GTF2F2: variants seen among roughly 807,000 people sequenced by gnomAD.
The protein encoded by GTF2F2 is ATP-dependent helicase GTF2F2.
Under a neutral mutation model 42.2 loss-of-function variants are expected in GTF2F2, and 23 were observed. That is an observed-to-expected ratio of 0.55 (90% CI 0.39 to 0.77). GTF2F2 has a LOEUF of 0.77. Among genes scored for constraint, GTF2F2 ranks in the 30% least tolerant of loss-of-function variants. GTF2F2 has a pLI of 0.00. For missense variants in GTF2F2, 261 were observed against 287.2 expected (o/e 0.91, Z 0.66); for synonymous variants, 105 against 100.8 (o/e 1.04, Z -0.25).
chr13:45,140,114 A>AT (rs1002989702), intron 2 of GTF2F2, among the ~76,000 whole-genome samples: 464 of 140,784 alleles, frequency 3.3e-3, no homozygotes, highest in Non-Finnish European at 4.3e-3. Flanking sequence ...TGCCCAGCTA[A>AT]TTTTTTTTTT....
At chr13:45,131,995 A>G (rs1408809563) in intron 1 of GTF2F2, among the ~76,000 whole-genome samples, 2 of 151,900 alleles carry the variant, frequency 1.3e-5, no homozygotes, top group Non-Finnish European at 2.9e-5. Flanking sequence ...TCCAAGGTGC[A>G]TGCTCTTGAG....
At chr13:45,206,760 T>G (rs1231206001) in intron 4 of GTF2F2, 1 of 152,150 alleles carries the variant, frequency 6.6e-6, no homozygotes, top group Non-Finnish European at 1.5e-5. Context: ...TATGTCAGAG[T>G]CACTATAAGA....
intron 2 of GTF2F2, 60 bp from the exon 3 acceptor site, chr13:45,149,710 C>T: frequency 7.0e-7 from 1 of 1,424,170 alleles, no homozygotes. Flanking sequence ...GCTCTTAACT[C>T]ACATTTGAAA....
chr13:45,126,289 T>C (rs1197341473), intron 1 of GTF2F2, among the ~76,000 whole-genome samples: 1 of 149,058 alleles, frequency 6.7e-6, no homozygotes, highest in African/African-American at 2.5e-5. Context: ...TTTCGTTCTG[T>C]TGCCCAGTCT....
intron 6 of GTF2F2, among the ~76,000 whole-genome samples, chr13:45,260,478 C>T (rs1341080113): frequency 2.6e-5 from 4 of 152,172 alleles, no homozygotes; most frequent in Admixed American, 2.6e-4. Context: ...AAGGATTTAA[C>T]ATGCAGAACC....
intron 1 of GTF2F2, among the ~76,000 whole-genome samples, chr13:45,124,654 T>C (rs955399994): frequency 2.6e-5 from 4 of 152,130 alleles, no homozygotes; most frequent in Admixed American, 2.6e-4. Flanking sequence ...AACCTTTGCC[T>C]CCTGGGTTCA....
intron 5 of GTF2F2, among the ~76,000 whole-genome samples, chr13:45,228,472 G>A (rs9534068): frequency 0.51 from 74,932 of 148,124 alleles, 22,114 homozygotes; most frequent in African/African-American, 0.84. Context: ...AGTACCTGAC[G>A]CTGGGCCAGA....
At chr13:45,149,698 A>G in intron 2 of GTF2F2, 72 bp from the exon 3 acceptor site, 1 of 1,333,726 alleles carries the variant, frequency 7.5e-7, no homozygotes, top group Non-Finnish European at 1.0e-6. Context: ...GTTTTTTTTT[A>G]AGCTCTTAAC....
rs1158783854 is a variant in GTF2F2 at position 45,186,274 on chromosome 13, C to CT, written c.305-21149dup. Among the ~76,000 whole-genome samples, 919 of 128,890 alleles carry CT rather than the reference C, an allele frequency of 7.1e-3. 10 individuals carry two copies. The highest frequency in any genetic ancestry group is 0.033 in the African/African-American group (880 of 26,852). The allele number at this position is 128,890 out of a possible 152,430, so 84.6% of individuals were successfully genotyped here. On this transcript the variant is annotated intron_variant, in intron 4 of 7. Transcript: ENST00000340473. ...ACAGGCGTGAGCCCCGGCACCTGGC[C>CT]TATTTTTTTTTTTTTTTAATTTTAA...
rs5803286 is a variant in GTF2F2 at position 45,165,806 on chromosome 13, CTT to C, written c.304+13998_304+13999del. On this transcript the variant is annotated intron_variant, in intron 4 of 7. Transcript: ENST00000340473. ...CCATCCTTAAATTCTTCAGTACATT[CTT>C]TTTTTTTTTTTTTTTTTTTTTTGAG... 9.3e-3 allele frequency among the ~76,000 whole-genome samples: 823 copies of C among 88,882 alleles called. 4 individuals are homozygous for C. The highest frequency in any genetic ancestry group is 0.035 in the African/African-American group (702 of 20,068). 58.3% of individuals were successfully genotyped at this position (88,882 alleles called of 152,430 possible). A position where few individuals can be genotyped will look rare whatever the true frequency, so the allele number is the denominator to read the frequency against.
At chr13:45,275,671 A>G (rs1182756736) in intron 7 of GTF2F2, among the ~76,000 whole-genome samples, 1 of 151,956 alleles carries the variant, frequency 6.6e-6, no homozygotes, top group African/African-American at 2.4e-5. Context: ...CATGGTGTAT[A>G]TGTGCCACAT....
intron 5 of GTF2F2, among the ~76,000 whole-genome samples, chr13:45,223,152 G>T (rs1430720774): frequency 6.6e-6 from 1 of 151,398 alleles, no homozygotes; most frequent in South Asian, 2.1e-4. Flanking sequence ...AGCTACTCCT[G>T]AGGCTGAGGT....
Position 45,230,045 on chromosome 13 carries a change from A to G in GTF2F2, c.386+22540A>G, listed in dbSNP as rs367800927. Among the ~76,000 whole-genome samples, 445 of 152,026 alleles carry G rather than the reference A, an allele frequency of 2.9e-3. 1 individual carries two copies. The highest frequency in any genetic ancestry group is 0.01 in the African/African-American group (416 of 41,488). The stretch of plus-strand genomic sequence containing the variant: ...AGCCTGGCCAACATGGTGAAACCTT[A>G]TCTCTACTAAAAATAGAAAAATTAG... On this transcript the variant is annotated intron_variant, in intron 5 of 7. Transcript: ENST00000340473.
rs1869652043 is a variant in GTF2F2, at chr13:45,136,828, G to T, written c.140+22G>T. 2.2e-6 allele frequency: 3 copies of T among 1,361,236 alleles called. No individual in the cohort carries two copies. In the Admixed American group the frequency reaches 5.5e-5, roughly 25 times the overall value. 84.3% of individuals were successfully genotyped at this position (1,361,236 alleles called of 1,614,324 possible). A position where few individuals can be genotyped will look rare whatever the true frequency, so the allele number is the denominator to read the frequency against. Reference sequence around the variant, plus strand: ...CCAAGTAAGTTATTTACATATTCTTGACATTTTAAAAAGCTATTTTTGAAA... The same window carrying T: ...CCAAGTAAGTTATTTACATATTCTTTACATTTTAAAAAGCTATTTTTGAAA... On this transcript the variant is annotated intron_variant, in intron 2 of 7. Coordinates refer to ENST00000340473, the MANE Select transcript of GTF2F2 (RefSeq NM_004128.3).
rs560713247 is a variant in GTF2F2, at chr13:45,280,291, G to A, written c.631-3151G>A. Among the ~76,000 whole-genome samples the A allele has an allele frequency of 3.9e-5, 6 of 152,296 alleles. No individual in the cohort carries two copies. In the South Asian group the frequency reaches 1.2e-3, roughly 32 times the overall value. Reference sequence around the variant, plus strand: ...GGAATTTAATGTGTAGCCCAAACGGGGAAGTCATTAGAATATTTTAGACAG... The same window carrying A: ...GGAATTTAATGTGTAGCCCAAACGGAGAAGTCATTAGAATATTTTAGACAG... On this transcript the variant is annotated intron_variant, in intron 7 of 7. Transcript: ENST00000340473.
intron 5 of GTF2F2, among the ~76,000 whole-genome samples, chr13:45,248,600 A>G (rs1875747683): frequency 6.6e-6 from 1 of 151,982 alleles, no homozygotes; most frequent in Non-Finnish European, 1.5e-5. Context: ...CAGCCTCCTG[A>G]GTAGCTGGGA....
intron 1 of GTF2F2, among the ~76,000 whole-genome samples, chr13:45,122,376 C>G (rs941620402): frequency 1.3e-5 from 2 of 152,102 alleles, no homozygotes; most frequent in African/African-American, 4.8e-5. Context: ...TGGCTCACGC[C>G]TGTAATCTCA....
chr13:45,194,376 A>G (rs1427226962), intron 4 of GTF2F2: 5 of 1,614,018 alleles, frequency 3.1e-6, no homozygotes, highest in Admixed American at 1.7e-5. Context: ...GGATTTTTCC[A>G]TTTACTATAC....
At chr13:45,168,545 A>G (rs751279873) in intron 4 of GTF2F2, among the ~76,000 whole-genome samples, 23 of 152,168 alleles carry the variant, frequency 1.5e-4, no homozygotes, top group Non-Finnish European at 2.6e-4. Flanking sequence ...TAATCATTTT[A>G]TAGGCTCATT....
Sources: gnomAD v4.1 joint callset for allele counts (sites outside exome capture counted in the v4.1 genomes callset) on GRCh38, gnomAD v4.1.1 for gene constraint, MANE v1.5 for transcripts, NCBI Gene and HGNC (gene_info 2026-07-23, HGNC 2026-07-21) for gene names.